Variants in KCNT2 observed in about 807,000 individuals in gnomAD.
KCNT2 encodes the protein potassium channel subfamily T member 2.
In KCNT2, 67 loss-of-function variants were observed where a neutral mutation model predicts 153.8. That is an observed-to-expected ratio of 0.44 (90% CI 0.36 to 0.53). The LOEUF is 0.53. KCNT2 is among the 20% of genes least tolerant of loss of function. The pLI is 0.00. For missense variants in KCNT2, 975 were observed against 1,354.8 expected (o/e 0.72, Z 4.40); for synonymous variants, 500 against 458.8 (o/e 1.09, Z -1.15).
At chr1:196,453,826 C>T (rs1321853092) in intron 8 of KCNT2, among the ~76,000 whole-genome samples, 2 of 151,888 alleles carry the variant, frequency 1.3e-5, no homozygotes, top group Non-Finnish European at 2.9e-5. Flanking sequence ...CATCTGTGCC[C>T]ACCCCCAAAT....
intron 8 of KCNT2, among the ~76,000 whole-genome samples, chr1:196,439,962 T>G (rs758430796): frequency 2.0e-5 from 3 of 151,786 alleles, no homozygotes; most frequent in African/African-American, 4.8e-5. Context: ...ACCTAGATGA[T>G]GGGTTGATAG....
intron 8 of KCNT2, among the ~76,000 whole-genome samples, chr1:196,442,997 G>C (rs1180065057): frequency 6.6e-6 from 1 of 151,590 alleles, no homozygotes; most frequent in Non-Finnish European, 1.5e-5. Context: ...TGATCATTTA[G>C]ATAAATAAGG....
rs558658845 is a variant in KCNT2 at position 196,509,705 on chromosome 1, T to C, written c.96-17364A>G. ...TAAGGTATTGGTTCTTCAAGTGTCATAGGTGTCTGTATATTTTTAATAAGT... is the reference window on the plus strand; with the variant it reads ...TAAGGTATTGGTTCTTCAAGTGTCACAGGTGTCTGTATATTTTTAATAAGT... On this transcript the variant is annotated intron_variant, in intron 1 of 27. Transcript: ENST00000294725. Among the ~76,000 whole-genome samples the C allele has an allele frequency of 1.5e-3, 225 of 152,272 alleles. 3 individuals carry two copies. In the South Asian group the frequency reaches 0.034, roughly 23 times the overall value.
At chr1:196,598,192 C>A (rs1178198738) in intron 1 of KCNT2, among the ~76,000 whole-genome samples, 1 of 152,060 alleles carries the variant, frequency 6.6e-6, no homozygotes, top group Admixed American at 6.5e-5. Context: ...TACATGATGT[C>A]TTTTTGATTG....
intron 25 of KCNT2, among the ~76,000 whole-genome samples, chr1:196,280,331 G>A (rs1466905613): frequency 6.6e-6 from 1 of 152,086 alleles, no homozygotes; most frequent in Non-Finnish European, 1.5e-5. Flanking sequence ...AATTTACTGA[G>A]GTTTACTTTG....
intron 5 of KCNT2, among the ~76,000 whole-genome samples, chr1:196,477,544 C>T (rs1429198360): frequency 6.6e-6 from 1 of 152,112 alleles, no homozygotes. Context: ...CATAATCATG[C>T]TACTGCTCTC....
At chr1:196,409,417 ATTTTGT>A (rs1672101623) in intron 12 of KCNT2, among the ~76,000 whole-genome samples, 2 of 151,458 alleles carry the variant, frequency 1.3e-5, no homozygotes, top group Non-Finnish European at 3.0e-5. Flanking sequence ...ACTGCAGTAT[ATTTTGT>A]TTTTTTCAGT....
intron 1 of KCNT2, among the ~76,000 whole-genome samples, chr1:196,507,484 T>C (rs1277466769): frequency 6.6e-6 from 1 of 152,174 alleles, no homozygotes; most frequent in Non-Finnish European, 1.5e-5. Flanking sequence ...TTGTGGTTTA[T>C]GGGCCAGTAG....
intron 14 of KCNT2, among the ~76,000 whole-genome samples, chr1:196,353,097 G>C (rs763986617): frequency 1.3e-5 from 2 of 151,852 alleles, no homozygotes; most frequent in Admixed American, 6.6e-5. Flanking sequence ...AAACTCACGC[G>C]CAAGAGTATG....
intron 26 of KCNT2, among the ~76,000 whole-genome samples, chr1:196,236,548 A>T (rs1654459814): frequency 6.6e-6 from 1 of 151,460 alleles, no homozygotes; most frequent in African/African-American, 2.4e-5. Flanking sequence ...AAGACCCTAA[A>T]TATGTGTTTG....
At chr1:196,271,127 A>G (rs1391473876) in intron 25 of KCNT2, among the ~76,000 whole-genome samples, 2 of 151,978 alleles carry the variant, frequency 1.3e-5, no homozygotes, top group East Asian at 3.8e-4. Context: ...CTGTGGAAAG[A>G]AAATTTTTAT....
At chr1:196,388,217 T>C (rs903787694) in intron 13 of KCNT2, among the ~76,000 whole-genome samples, 6 of 151,772 alleles carry the variant, frequency 4.0e-5, no homozygotes, top group African/African-American at 9.7e-5. Context: ...GATGAAAATA[T>C]ACAAGTTGAT....
At chr1:196,298,570 C>T (rs1571953635) in intron 22 of KCNT2, among the ~76,000 whole-genome samples, 1 of 151,926 alleles carries the variant, frequency 6.6e-6, no homozygotes, top group African/African-American at 2.4e-5. Context: ...GTTCGCCAAC[C>T]GGGAAGCAAT....
intron 25 of KCNT2, among the ~76,000 whole-genome samples, chr1:196,267,531 G>T (rs1032210416): frequency 5.9e-5 from 9 of 152,128 alleles, no homozygotes; most frequent in African/African-American, 2.2e-4. Flanking sequence ...CCTTAAAACA[G>T]AAGGCTCTAG....
chr1:196,565,527 TC>T (rs1364829930), intron 1 of KCNT2, among the ~76,000 whole-genome samples: 1 of 151,528 alleles, frequency 6.6e-6, no homozygotes, highest in Non-Finnish European at 1.5e-5. Flanking sequence ...AGATATGGAA[TC>T]CACCTAGGTG....
intron 14 of KCNT2, among the ~76,000 whole-genome samples, chr1:196,366,861 C>T (rs1023797285): frequency 3.9e-5 from 6 of 152,040 alleles, no homozygotes; most frequent in African/African-American, 7.2e-5. Flanking sequence ...TAACTAATTG[C>T]TAAATAAGTG....
At chr1:196,395,254 C>G (rs1458553303) in intron 13 of KCNT2, among the ~76,000 whole-genome samples, 2 of 151,448 alleles carry the variant, frequency 1.3e-5, no homozygotes, top group African/African-American at 4.8e-5. Flanking sequence ...AGTTTCGTAT[C>G]AAGGCTATGT....
intron 1 of KCNT2, among the ~76,000 whole-genome samples, chr1:196,498,399 G>A (rs1342157807): frequency 2.0e-5 from 3 of 152,212 alleles, no homozygotes; most frequent in South Asian, 2.1e-4. Flanking sequence ...CTTCCTCTGT[G>A]TCTACTTCTT....
At chr1:196,334,487 C>CTTTCTTTTTTTTTTTTTTTTTTTTTTTTT (rs1553288400) in intron 16 of KCNT2, among the ~76,000 whole-genome samples, 2 of 87,262 alleles carry the variant, frequency 2.3e-5, no homozygotes, top group African/African-American at 8.7e-5. Context: ...TTCTTTCTTT[C>CTTTCTTTTTTTTTTTTTTTTTTTTTTTTT]TTTTTTTTTT....
Sources: allele counts gnomAD v4.1 joint callset (sites outside exome capture counted in the v4.1 genomes callset), GRCh38; gene constraint gnomAD v4.1.1; transcripts MANE v1.5; gene names NCBI Gene and HGNC (gene_info 2026-07-23, HGNC 2026-07-21).